The following KHDRBS2 variants were observed in gnomAD, a reference collection of about 807,000 sequenced individuals.
KHDRBS2 encodes KH RNA binding domain containing, signal transduction associated 2, also known as KH domain-containing, RNA-binding, signal transduction-associated protein 2.
A neutral mutation model predicts 44.3 loss-of-function variants in KHDRBS2; 26 were observed. The observed-to-expected ratio is 0.59, with a 90% CI of 0.43 to 0.81. KHDRBS2 has a LOEUF of 0.81. KHDRBS2 is among the 40% of genes least tolerant of loss of function. KHDRBS2 has a pLI of 0.00. For missense variants in KHDRBS2, 476 were observed against 433.1 expected, an observed-to-expected ratio of 1.10 and a Z score of -0.88; for synonymous variants, 194 against 151.1, an observed-to-expected ratio of 1.28 and a Z score of -2.08.
intron 6 of KHDRBS2, among the ~76,000 whole-genome samples, chr6:61,829,401 G>T (rs1255301377): frequency 1.3e-5 from 2 of 152,088 alleles, no homozygotes; most frequent in Non-Finnish European, 2.9e-5. Context: ...TGAACTCAGG[G>T]AATCTGCCTG....
At chr6:61,946,445 T>A (rs1284936991) in intron 4 of KHDRBS2, among the ~76,000 whole-genome samples, 1 of 148,956 alleles carries the variant, frequency 6.7e-6, no homozygotes, top group East Asian at 1.9e-4. Flanking sequence ...TCTTTTACAA[T>A]TGTTTTTAAA....
the KHDRBS2 span, among the ~76,000 whole-genome samples, chr6:61,651,484 T>G: frequency 6.6e-6 from 1 of 152,128 alleles, no homozygotes; most frequent in Admixed American, 6.6e-5. Flanking sequence ...AGGTCAGGTG[T>G]GAAATTTTCC....
chr6:61,750,805 G>C (rs1582598935), intron 6 of KHDRBS2, among the ~76,000 whole-genome samples: 1 of 151,284 alleles, frequency 6.6e-6, no homozygotes, highest in Non-Finnish European at 1.5e-5. Flanking sequence ...ATCATCACGG[G>C]AGTAGTCAAA....
intron 1 of KHDRBS2, among the ~76,000 whole-genome samples, chr6:62,281,595 G>A (rs1334264185): frequency 6.6e-6 from 1 of 152,054 alleles, no homozygotes; most frequent in Non-Finnish European, 1.5e-5. Context: ...ACTCTAACCT[G>A]GGCAACAGCG....
intron 8 of KHDRBS2, among the ~76,000 whole-genome samples, chr6:61,695,830 C>A (rs934127551): frequency 1.3e-5 from 2 of 152,086 alleles, no homozygotes; most frequent in African/African-American, 4.8e-5. Flanking sequence ...GGAAGATACT[C>A]TTCTTCCTTT....
chr6:61,761,882 T>TA (rs1216502186), intron 6 of KHDRBS2, among the ~76,000 whole-genome samples: 1 of 152,128 alleles, frequency 6.6e-6, no homozygotes, highest in Non-Finnish European at 1.5e-5. Flanking sequence ...TTTTCAGGTT[T>TA]AAAAAATCAT....
intron 6 of KHDRBS2, among the ~76,000 whole-genome samples, chr6:61,854,006 C>A (rs1257532731): frequency 6.6e-6 from 1 of 152,164 alleles, no homozygotes; most frequent in East Asian, 1.9e-4. Context: ...GCAAGGGAGT[C>A]TGGGACATCT....
At chr6:61,972,379 T>A (rs1417217841) in intron 4 of KHDRBS2, among the ~76,000 whole-genome samples, 1 of 152,188 alleles carries the variant, frequency 6.6e-6, no homozygotes, top group African/African-American at 2.4e-5. Flanking sequence ...TGATTACAGA[T>A]GTCTTCCAAG....
At chr6:62,011,394 G>T (rs1394172372) in intron 3 of KHDRBS2, among the ~76,000 whole-genome samples, 1 of 152,088 alleles carries the variant, frequency 6.6e-6, no homozygotes. Context: ...CAATGATGTA[G>T]AAATGTGAAA....
intron 4 of KHDRBS2, among the ~76,000 whole-genome samples, chr6:61,906,266 G>A (rs1261987203): frequency 6.6e-6 from 1 of 151,432 alleles, no homozygotes; most frequent in Non-Finnish European, 1.5e-5. Flanking sequence ...AATTATTATG[G>A]GTATATAATA....
In KHDRBS2 at chr6:61,948,892, C is replaced by A. The variant is rs139972861; in HGVS notation, c.483+29174G>T. Among the ~76,000 whole-genome samples, 385 of 151,940 alleles carry A rather than the reference C, an allele frequency of 2.5e-3. 2 individuals carry two copies. Among genetic ancestry groups the A allele is most frequent in the Middle Eastern group, 0.01 (3 of 294 alleles). ...TGGTGAGAATAACAATGTGATAAAG[C>A]CTTTATGCCCCACTTTTCAGATTTC... On this transcript the variant is annotated intron_variant, in intron 4 of 8. Coordinates refer to ENST00000281156, the MANE Select transcript of KHDRBS2 (RefSeq NM_152688.4).
At chr6:61,901,102 G>A in intron 5 of KHDRBS2, 142 bp downstream of exon 5, 1 of 763,386 alleles carries the variant, frequency 1.3e-6, no homozygotes, top group South Asian at 2.0e-5. Context: ...TGCCTGATAA[G>A]CTTTCATCGT....
the KHDRBS2 span, among the ~76,000 whole-genome samples, chr6:61,575,500 T>A: frequency 2.0e-5 from 3 of 152,216 alleles, no homozygotes; most frequent in Non-Finnish European, 4.4e-5. Context: ...ACTTTTACAC[T>A]GCTGGTGAGA....
At chr6:62,114,123 C>T (rs1805654665) in intron 2 of KHDRBS2, among the ~76,000 whole-genome samples, 1 of 151,992 alleles carries the variant, frequency 6.6e-6, no homozygotes, top group South Asian at 2.1e-4. Context: ...GTCACTGCCC[C>T]CATGATTCAC....
At chr6:62,067,573 T>C (rs1033271970) in intron 2 of KHDRBS2, among the ~76,000 whole-genome samples, 4 of 151,568 alleles carry the variant, frequency 2.6e-5, no homozygotes, top group African/African-American at 4.8e-5. Flanking sequence ...TTTAAACATA[T>C]TTATTGATAT....
intron 3 of KHDRBS2, among the ~76,000 whole-genome samples, chr6:61,981,828 T>A (rs1192423): frequency 0.68 from 103,796 of 151,998 alleles, 35,961 homozygotes; most frequent in African/African-American, 0.82. Context: ...ATAAGAAGAG[T>A]TACTTAAATT....
intron 1 of KHDRBS2, among the ~76,000 whole-genome samples, chr6:62,261,867 T>C (rs2150182185): frequency 6.6e-6 from 1 of 151,918 alleles, no homozygotes; most frequent in Non-Finnish European, 1.5e-5. Context: ...TATGTAACAA[T>C]GAGATTTTTC....
At chr6:61,544,247 TAAATAA>T in the KHDRBS2 span, among the ~76,000 whole-genome samples, 20 of 152,102 alleles carry the variant, frequency 1.3e-4, no homozygotes, top group African/African-American at 4.8e-4. Context: ...AAAATTAAAA[TAAATAA>T]AAAGTATAAG....
chr6:61,877,025 G>C (rs7747495), intron 6 of KHDRBS2, among the ~76,000 whole-genome samples: 62,862 of 151,896 alleles, frequency 0.41, 13,212 homozygotes, highest in Admixed American at 0.49. Flanking sequence ...CATAAATAAA[G>C]TTTTACTGGA....
Sources: gnomAD v4.1 joint callset for allele counts (sites outside exome capture counted in the v4.1 genomes callset) on GRCh38, gnomAD v4.1.1 for gene constraint, MANE v1.5 for transcripts, NCBI Gene and HGNC (gene_info 2026-07-23, HGNC 2026-07-21) for gene names.